Variants in PICALM observed in about 807,000 individuals in gnomAD.
The protein encoded by PICALM is phosphatidylinositol-binding clathrin assembly protein.
A neutral mutation model predicts 80.5 loss-of-function variants in PICALM; 40 were observed. The ratio of observed to expected loss-of-function variants is 0.50; its 90% CI spans 0.39 to 0.65. PICALM has a LOEUF of 0.65. PICALM is among the 30% of genes least tolerant of loss of function. The pLI, the probability that PICALM is intolerant of heterozygous loss-of-function variation, is 0.00. For synonymous variants in PICALM, 288 were observed against 260.3 expected, an observed-to-expected ratio of 1.11 and a Z score of -1.02; for missense variants, 676 against 778.9, an observed-to-expected ratio of 0.87 and a Z score of 1.57.
At chr11:85,998,164 T>A (rs2095036211) in intron 11 of PICALM, among the ~76,000 whole-genome samples, 1 of 151,958 alleles carries the variant, frequency 6.6e-6, no homozygotes, top group Admixed American at 6.6e-5. Flanking sequence ...CAGGCTGGAG[T>A]GCAGTGGAGC....
intron 8 of PICALM, among the ~76,000 whole-genome samples, chr11:86,004,520 T>C (rs1258419901): frequency 2.0e-5 from 3 of 152,164 alleles, no homozygotes; most frequent in Admixed American, 2.0e-4. Flanking sequence ...TACGTTTTTT[T>C]TTTTAATGGA....
intron 1 of PICALM, among the ~76,000 whole-genome samples, chr11:86,052,818 C>G (rs2096211249): frequency 6.6e-6 from 1 of 152,198 alleles, no homozygotes; most frequent in African/African-American, 2.4e-5. Flanking sequence ...GACAATTGCT[C>G]CGACTGTATT....
intron 19 of PICALM, chr11:85,960,809 A>G (rs2093663074): frequency 2.0e-6 from 2 of 1,003,148 alleles, no homozygotes; most frequent in South Asian, 1.5e-5. Context: ...AGAGGGAAAG[A>G]AAAAAAGATC....
intron 8 of PICALM, chr11:86,003,836 T>C (rs1347317559): frequency 6.4e-6 from 1 of 155,082 alleles, no homozygotes; most frequent in East Asian, 1.9e-4. Context: ...GACTCTGGAA[T>C]AATTACTGAT....
chr11:85,988,563 G>A (rs2094654020), intron 13 of PICALM, among the ~76,000 whole-genome samples: 1 of 151,782 alleles, frequency 6.6e-6, no homozygotes, highest in South Asian at 2.1e-4. Context: ...ATTCTGACAA[G>A]GCATACAAGG....
At chr11:86,018,527 T>C (rs2095515225) in intron 4 of PICALM, among the ~76,000 whole-genome samples, 1 of 152,072 alleles carries the variant, frequency 6.6e-6, no homozygotes, top group Admixed American at 6.5e-5. Context: ...ACTGCTTTTA[T>C]AAGATTAAAA....
At chr11:86,002,522 A>C (rs2155051) in intron 9 of PICALM, among the ~76,000 whole-genome samples, 120,684 of 152,162 alleles carry the variant, frequency 0.79, 47,961 homozygotes, top group African/African-American at 0.81. Context: ...GCTAGGTTAA[A>C]TGGTCTTAGT....
At chr11:86,012,454 G>C in intron 5 of PICALM, 62 bp from the exon 6 acceptor site, 3 of 904,104 alleles carry the variant, frequency 3.3e-6, no homozygotes, top group Non-Finnish European at 5.5e-6. Flanking sequence ...TTGACAAAAA[G>C]ATTTCCTTCA....
rs368893201 is a variant in PICALM, at chr11:86,035,279, G to A, written c.131-3668C>T. ...CAGCCTATATAGATTTCCCCAGGCA[G>A]AGTTCATCAACTTTAGAAACTTAAA... On this transcript the variant is annotated intron_variant, in intron 1 of 19. Coordinates refer to ENST00000393346, the MANE Select transcript of PICALM (RefSeq NM_007166.4). 7.9e-5 allele frequency among the ~76,000 whole-genome samples: 12 copies of A among 152,254 alleles called. No homozygotes were observed. In the South Asian group the frequency reaches 1.2e-3, roughly 16 times the overall value.
chr11:85,974,207 G>T (rs939202161), intron 19 of PICALM, among the ~76,000 whole-genome samples: 3 of 152,152 alleles, frequency 2.0e-5, no homozygotes, highest in Admixed American at 6.5e-5. Context: ...CAAGCTTTTT[G>T]ACTCCTTTTT....
At chr11:86,008,318 T>C (rs1238507471) in intron 7 of PICALM, among the ~76,000 whole-genome samples, 2 of 152,102 alleles carry the variant, frequency 1.3e-5, no homozygotes, top group African/African-American at 4.8e-5. Context: ...CTCAGAATGA[T>C]GTCAGCAGAA....
At chr11:85,965,852 T>C (rs1457722771) in intron 19 of PICALM, among the ~76,000 whole-genome samples, 1 of 144,016 alleles carries the variant, frequency 6.9e-6, no homozygotes, top group African/African-American at 2.6e-5. Flanking sequence ...ACAGACTCTC[T>C]GTCGCCCAGG....
At chr11:85,975,350 G>GT (rs935360986) in intron 18 of PICALM, among the ~76,000 whole-genome samples, 3 of 152,210 alleles carry the variant, frequency 2.0e-5, no homozygotes, top group African/African-American at 7.2e-5. Flanking sequence ...TCTTTCTTGA[G>GT]TAACTGAAAA....
chr11:85,972,953 A>G (rs1226215497), intron 19 of PICALM, among the ~76,000 whole-genome samples: 1 of 152,208 alleles, frequency 6.6e-6, no homozygotes, highest in African/African-American at 2.4e-5. Flanking sequence ...TAAAAGTTCA[A>G]TAACAATTAC....
rs1565417943 is a variant in PICALM, at chr11:86,014,971, G to GA, written c.453-9dup. Reference sequence around the variant, plus strand: ...CTCATAACTCCATCAGCCCTGTTATGAAAAAACCAGAGAAATAAACAAATG... The same window carrying GA: ...CTCATAACTCCATCAGCCCTGTTATGAAAAAAACCAGAGAAATAAACAAATG... On this transcript the variant is annotated splice_polypyrimidine_tract_variant and intron_variant, in intron 4 of 19. Coordinates refer to ENST00000393346, the MANE Select transcript of PICALM (RefSeq NM_007166.4). 2.7e-6 allele frequency: 4 copies of GA among 1,503,098 alleles called. No homozygotes were observed. Among genetic ancestry groups the GA allele is most frequent in the Non-Finnish European group, 3.6e-6 (4 of 1,097,764 alleles). 93.1% of individuals were successfully genotyped at this position (1,503,098 alleles called of 1,614,324 possible).
intron 1 of PICALM, among the ~76,000 whole-genome samples, chr11:86,050,414 A>G (rs979086392): frequency 6.6e-6 from 1 of 152,154 alleles, no homozygotes; most frequent in African/African-American, 2.4e-5. Flanking sequence ...AAAATGTGCA[A>G]GCAATTACAG....
chr11:85,963,943 T>TTTTA (rs1555002813), intron 19 of PICALM, among the ~76,000 whole-genome samples: 12 of 146,346 alleles, frequency 8.2e-5, no homozygotes, highest in East Asian at 2.0e-4. Context: ...TTTTTTTTTT[T>TTTTA]ATTAAAGTTA....
chr11:86,058,455 C>T (rs2096303919), intron 1 of PICALM, among the ~76,000 whole-genome samples: 1 of 152,158 alleles, frequency 6.6e-6, no homozygotes, highest in Admixed American at 6.5e-5. Flanking sequence ...TTGATTAAGA[C>T]TTGGGTCCCT....
At chr11:86,001,816 G>A (rs1024885414) in intron 9 of PICALM, among the ~76,000 whole-genome samples, 4 of 151,978 alleles carry the variant, frequency 2.6e-5, no homozygotes, top group African/African-American at 4.8e-5. Context: ...TATCAAAAAC[G>A]TATCCACACT....
Sources: gnomAD v4.1 joint callset for allele counts (sites outside exome capture counted in the v4.1 genomes callset) on GRCh38, gnomAD v4.1.1 for gene constraint, MANE v1.5 for transcripts, NCBI Gene and HGNC (gene_info 2026-07-23, HGNC 2026-07-21) for gene names.